EYS: variants seen among roughly 807,000 people sequenced by gnomAD.
The protein encoded by EYS is protein eyes shut homolog.
Under a neutral mutation model 282.1 loss-of-function variants are expected in EYS, and 250 were observed. The observed-to-expected ratio is 0.89, with a 90% CI of 0.80 to 0.98. The LOEUF (loss-of-function observed/expected upper bound fraction) is 0.98. EYS is among the 50% of genes least tolerant of loss of function. EYS has a pLI of 0.00. For synonymous variants in EYS, 1,355 were observed against 1,282.9 expected (o/e 1.06, Z -1.20); for missense variants, 4,016 against 3,709.0 (o/e 1.08, Z -2.15).
chr6:65,177,119 T>C (rs1765244831), intron 12 of EYS, among the ~76,000 whole-genome samples: 2 of 151,846 alleles, frequency 1.3e-5, no homozygotes, highest in African/African-American at 4.8e-5. Flanking sequence ...AATTTTTAAC[T>C]TAGCATTTTG....
chr6:65,624,010 G>GGATA (rs1233895550), intron 2 of EYS, among the ~76,000 whole-genome samples: 1 of 152,122 alleles, frequency 6.6e-6, no homozygotes, highest in African/African-American at 2.4e-5. Context: ...ATAGATGGAT[G>GGATA]GATAGATAGA....
At chr6:63,822,109 G>T (rs1771340563) in intron 36 of EYS, 1 of 152,146 alleles carries the variant, frequency 6.6e-6, no homozygotes, top group African/African-American at 2.4e-5. Context: ...GAAAAAGCAT[G>T]AAGTTTTTTA....
chr6:64,259,529 C>A (rs983716016), intron 30 of EYS, among the ~76,000 whole-genome samples: 3 of 151,920 alleles, frequency 2.0e-5, no homozygotes, highest in African/African-American at 7.2e-5. Context: ...CCTGCCCCTC[C>A]GTCCCAGTCT....
At chr6:64,343,573 T>C (rs1341243345) in intron 29 of EYS, among the ~76,000 whole-genome samples, 1 of 151,254 alleles carries the variant, frequency 6.6e-6, no homozygotes, top group Non-Finnish European at 1.5e-5. Flanking sequence ...TAGAGGGAAA[T>C]TTATACCACT....
intron 26 of EYS, among the ~76,000 whole-genome samples, chr6:64,459,043 T>G (rs141976860): frequency 6.6e-6 from 1 of 152,220 alleles, no homozygotes; most frequent in Non-Finnish European, 1.5e-5. Flanking sequence ...TTAGTGAATG[T>G]ATAAACACTG....
At chr6:65,363,062 A>G (rs1158308919) in intron 8 of EYS, among the ~76,000 whole-genome samples, 5 of 152,036 alleles carry the variant, frequency 3.3e-5, no homozygotes, top group African/African-American at 1.2e-4. Flanking sequence ...ATGACATTAC[A>G]CCTTTGTAGT....
intron 35 of EYS, among the ~76,000 whole-genome samples, chr6:63,916,530 T>C (rs1412933473): frequency 6.6e-6 from 1 of 152,218 alleles, no homozygotes; most frequent in Non-Finnish European, 1.5e-5. Flanking sequence ...GAAAAATGTC[T>C]ATTCGAATTT....
intron 32 of EYS, among the ~76,000 whole-genome samples, chr6:64,077,802 A>C (rs911326665): frequency 3.3e-5 from 5 of 151,986 alleles, no homozygotes; most frequent in African/African-American, 1.2e-4. Flanking sequence ...AAGTGCACCT[A>C]AAGAATTTTG....
intron 8 of EYS, among the ~76,000 whole-genome samples, chr6:65,371,733 CTCTCTCTCTGTGTGTGTGTG>C (rs1485294059): frequency 2.4e-4 from 12 of 50,720 alleles, no homozygotes; most frequent in African/African-American, 6.2e-4. Flanking sequence ...CTCTCTCTCT[CTCTCTCTCTGTGTGTGTGTG>C]TGTGTGTGTG....
chr6:65,390,984 A>G (rs569337895), intron 7 of EYS, among the ~76,000 whole-genome samples: 21 of 152,154 alleles, frequency 1.4e-4, no homozygotes, highest in Non-Finnish European at 2.8e-4. Flanking sequence ...AGAATACTGG[A>G]TATTAACAAA....
At chr6:65,628,562 C>G (rs954393293) in intron 2 of EYS, among the ~76,000 whole-genome samples, 1 of 152,166 alleles carries the variant, frequency 6.6e-6, no homozygotes, top group Non-Finnish European at 1.5e-5. Flanking sequence ...TATGAGCTGT[C>G]ACACTCACCG....
chr6:65,167,542 G>T (rs941669629), intron 12 of EYS, among the ~76,000 whole-genome samples: 5 of 151,138 alleles, frequency 3.3e-5, no homozygotes, highest in African/African-American at 1.2e-4. Context: ...GCTATGAAAT[G>T]CCCAGGGGAC....
intron 1 of EYS, among the ~76,000 whole-genome samples, chr6:65,690,266 C>T (rs892626281): frequency 2.0e-5 from 3 of 150,000 alleles, no homozygotes; most frequent in African/African-American, 7.3e-5. Flanking sequence ...AGAAGCAGGA[C>T]GTGAAGCTAG....
intron 22 of EYS, among the ~76,000 whole-genome samples, chr6:64,753,465 C>A (rs1216675642): frequency 6.7e-6 from 1 of 149,998 alleles, no homozygotes; most frequent in African/African-American, 2.5e-5. Flanking sequence ...AGTAGTTATA[C>A]TTACATCAGA....
chr6:65,567,697 A>G (rs1562263416), intron 2 of EYS, among the ~76,000 whole-genome samples: 1 of 152,160 alleles, frequency 6.6e-6, no homozygotes, highest in Non-Finnish European at 1.5e-5. Flanking sequence ...TTTCAGACCA[A>G]TTAAAATAAA....
intron 5 of EYS, among the ~76,000 whole-genome samples, chr6:65,454,385 T>G (rs1764524972): frequency 6.6e-6 from 1 of 152,026 alleles, no homozygotes; most frequent in Non-Finnish European, 1.5e-5. Context: ...GTTAAATTTC[T>G]TATATATTCT....
chr6:63,848,579 G>C (rs945701526), intron 36 of EYS, among the ~76,000 whole-genome samples: 3 of 151,904 alleles, frequency 2.0e-5, no homozygotes, highest in African/African-American at 7.3e-5. Context: ...GAAGTGCAAG[G>C]GGCTGGGAAC....
At chr6:65,532,823 A>G (rs1019076527) in intron 2 of EYS, among the ~76,000 whole-genome samples, 2 of 152,140 alleles carry the variant, frequency 1.3e-5, no homozygotes, top group Non-Finnish European at 2.9e-5. Context: ...TAGATAAACT[A>G]AAGGGTATAA....
intron 14 of EYS, among the ~76,000 whole-genome samples, chr6:64,989,974 C>G (rs1191083229): frequency 6.6e-6 from 1 of 151,182 alleles, no homozygotes; most frequent in African/African-American, 2.4e-5. Context: ...CACATATTCT[C>G]TATTTGTGTA....
Sources: gnomAD v4.1 joint callset for allele counts (sites outside exome capture counted in the v4.1 genomes callset) on GRCh38, gnomAD v4.1.1 for gene constraint, MANE v1.5 for transcripts, NCBI Gene and HGNC (gene_info 2026-07-23, HGNC 2026-07-21) for gene names.